The following MSH3 variants were observed in gnomAD, a reference collection of about 807,000 sequenced individuals.
The protein encoded by MSH3 is DNA mismatch repair protein Msh3.
Under a neutral mutation model 123.3 loss-of-function variants are expected in MSH3, and 106 were observed. That is an observed-to-expected ratio of 0.86 (90% confidence interval 0.73 to 1.01). MSH3 has a LOEUF of 1.01. Ranked by LOEUF, MSH3 falls within the 50% of genes least tolerant of loss-of-function variation. The probability of loss-of-function intolerance (pLI) is 0.00; values close to 1 mark genes in which losing one functional copy is unlikely to be tolerated. For synonymous variants in MSH3, 515 were observed against 481.4 expected (o/e 1.07, Z -0.91); for missense variants, 1,459 against 1,347.6 (o/e 1.08, Z -1.29).
At chr5:80,853,423 C>T (rs1047266545) in intron 20 of MSH3, among the ~76,000 whole-genome samples, 2 of 151,352 alleles carry the variant, frequency 1.3e-5, no homozygotes, top group South Asian at 2.1e-4. Flanking sequence ...TGTAGTGAGC[C>T]GAGAGCATGC....
intron 10 of MSH3, among the ~76,000 whole-genome samples, chr5:80,732,225 G>A (rs1436344821): frequency 3.3e-5 from 5 of 152,102 alleles, no homozygotes; most frequent in African/African-American, 1.2e-4. Flanking sequence ...GAAATTCAGA[G>A]GAATCCACTT....
At chr5:80,850,233 A>G (rs1745806224) in intron 20 of MSH3, among the ~76,000 whole-genome samples, 2 of 152,192 alleles carry the variant, frequency 1.3e-5, no homozygotes, top group South Asian at 4.1e-4. Context: ...AAAGCCATTC[A>G]ACATGTCTGT....
At chr5:80,805,797 G>T (rs548478065) in intron 19 of MSH3, among the ~76,000 whole-genome samples, 1 of 152,002 alleles carries the variant, frequency 6.6e-6, no homozygotes, top group East Asian at 1.9e-4. Flanking sequence ...TCACCATGTT[G>T]CCCTGGCTGG....
At chr5:80,754,281 ATT>A (rs1491467282) in intron 12 of MSH3, among the ~76,000 whole-genome samples, 4 of 151,518 alleles carry the variant, frequency 2.6e-5, no homozygotes, top group Non-Finnish European at 4.4e-5. Context: ...GCAAATATGA[ATT>A]TTATATATAT....
chr5:80,811,660 G>A (rs143822200), intron 19 of MSH3, among the ~76,000 whole-genome samples: 2 of 152,180 alleles, frequency 1.3e-5, no homozygotes, highest in Non-Finnish European at 2.9e-5. Flanking sequence ...CAGTAGGGAT[G>A]TTCTCTGCAT....
chr5:80,865,031 A>T, intron 22 of MSH3, 89 bp downstream of exon 22: 1 of 1,279,040 alleles, frequency 7.8e-7, no homozygotes, highest in Non-Finnish European at 1.1e-6. Flanking sequence ...CTGCTTATTA[A>T]TAATGAAAGC....
intron 20 of MSH3, among the ~76,000 whole-genome samples, chr5:80,844,794 T>C (rs2077740808): frequency 6.6e-6 from 1 of 152,122 alleles, no homozygotes; most frequent in African/African-American, 2.4e-5. Context: ...CTATGTGTGT[T>C]TTTGCACGTG....
chr5:80,758,048 A>G (rs1743958818), intron 12 of MSH3, among the ~76,000 whole-genome samples: 1 of 152,306 alleles, frequency 6.6e-6, no homozygotes, highest in Admixed American at 6.5e-5. Context: ...AATTATTAAT[A>G]GTTACATTGT....
chr5:80,860,908 T>A (rs1197478248), intron 21 of MSH3, among the ~76,000 whole-genome samples: 1 of 152,234 alleles, frequency 6.6e-6, no homozygotes, highest in African/African-American at 2.4e-5. Flanking sequence ...TAAGATGTCC[T>A]CAAGCTCAGA....
chr5:80,719,383 G>A (rs919173137), intron 8 of MSH3, among the ~76,000 whole-genome samples: 2 of 152,068 alleles, frequency 1.3e-5, no homozygotes, highest in African/African-American at 4.8e-5. Flanking sequence ...TGTGCAACTA[G>A]GGAGGCTATT....
intron 20 of MSH3, among the ~76,000 whole-genome samples, chr5:80,828,836 T>C (rs1375131545): frequency 6.6e-6 from 1 of 152,194 alleles, no homozygotes; most frequent in Non-Finnish European, 1.5e-5. Flanking sequence ...AGTGTGAGGA[T>C]TGGATCCCAG....
intron 8 of MSH3, among the ~76,000 whole-genome samples, chr5:80,694,932 A>G (rs1368781477): frequency 6.7e-6 from 1 of 148,728 alleles, no homozygotes; most frequent in South Asian, 2.1e-4. Context: ...TAGAAGTTTA[A>G]TTATGTGTCA....
At chr5:80,747,104 A>T (rs148257178) in intron 12 of MSH3, among the ~76,000 whole-genome samples, 3 of 152,322 alleles carry the variant, frequency 2.0e-5, no homozygotes, top group African/African-American at 7.2e-5. Flanking sequence ...GACGCAGACA[A>T]GATGGCTTTC....
intron 19 of MSH3, among the ~76,000 whole-genome samples, chr5:80,801,206 CT>C (rs1744783775): frequency 6.6e-6 from 1 of 152,146 alleles, no homozygotes; most frequent in Admixed American, 6.5e-5. Context: ...TTCTGTTTTA[CT>C]TTTTATGACA....
At chr5:80,867,552 C>T (rs1682029199) in intron 22 of MSH3, among the ~76,000 whole-genome samples, 1 of 152,096 alleles carries the variant, frequency 6.6e-6, no homozygotes, top group Non-Finnish European at 1.5e-5. Flanking sequence ...CTTTGAAGAC[C>T]CAGTCCCCTG....
intron 10 of MSH3, 72 bp from the exon 11 acceptor site, chr5:80,741,392 C>A (rs1329933840): frequency 4.5e-5 from 45 of 992,266 alleles, no homozygotes; most frequent in South Asian, 1.6e-4. Flanking sequence ...TGGCATGTTT[C>A]TAGTTCCTGA....
chr5:80,760,762 G>GGAGTT (rs1318318821), intron 12 of MSH3, among the ~76,000 whole-genome samples: 2 of 152,224 alleles, frequency 1.3e-5, no homozygotes, highest in African/African-American at 4.8e-5. Flanking sequence ...TCAGGCTGAT[G>GGAGTT]GAGTTACCAT....
intron 12 of MSH3, among the ~76,000 whole-genome samples, chr5:80,750,078 A>AGTGTGC (rs138305039): frequency 2.0e-4 from 27 of 134,206 alleles, no homozygotes; most frequent in African/African-American, 7.8e-4. Context: ...AGTATTCCAG[A>AGTGTGC]GTGTGTGTGT....
intron 23 of MSH3, 35 bp downstream of exon 23, chr5:80,873,322 A>G: frequency 6.2e-7 from 1 of 1,608,672 alleles, no homozygotes; most frequent in Non-Finnish European, 8.5e-7. Flanking sequence ...TTCATTTGTA[A>G]TGAAACCTTC....
Sources: gnomAD v4.1 joint callset for allele counts (sites outside exome capture counted in the v4.1 genomes callset) on GRCh38, gnomAD v4.1.1 for gene constraint, MANE v1.5 for transcripts, NCBI Gene and HGNC (gene_info 2026-07-23, HGNC 2026-07-21) for gene names.